RSU1: variants seen among roughly 807,000 people sequenced by gnomAD.
RSU1 encodes rsu-1.
Under a neutral mutation model 31.1 loss-of-function variants are expected in RSU1, and 26 were observed. That is an observed-to-expected ratio of 0.84 (90% CI 0.61 to 1.16). The LOEUF (loss-of-function observed/expected upper bound fraction) is 1.16, where lower values mean the gene tolerates loss of function less well. Among genes scored for constraint, RSU1 ranks in the 50% most tolerant of loss-of-function variants. The pLI is 0.00. For missense variants in RSU1, 320 were observed against 339.1 expected, an observed-to-expected ratio of 0.94 and a Z score of 0.44; for synonymous variants, 164 against 136.3, an observed-to-expected ratio of 1.20 and a Z score of -1.41.
chr10:16,658,107 TC>T, intron 8 of RSU1, among the ~76,000 whole-genome samples: 1 of 152,254 alleles, frequency 6.6e-6, no homozygotes, highest in East Asian at 1.9e-4. Context: ...GATTTCTCTC[TC>T]AAACATGGAG....
chr10:16,807,867 C>CA (rs1313031219), intron 2 of RSU1, among the ~76,000 whole-genome samples: 1 of 151,814 alleles, frequency 6.6e-6, no homozygotes, highest in Non-Finnish European at 1.5e-5. Context: ...ACGAAAAATA[C>CA]AAAAAATTAG....
intron 8 of RSU1, among the ~76,000 whole-genome samples, chr10:16,685,225 G>C (rs1320653781): frequency 6.6e-6 from 1 of 152,132 alleles, no homozygotes; most frequent in Non-Finnish European, 1.5e-5. Flanking sequence ...ACTCCAGCCT[G>C]GGCAACAGAG....
chr10:16,738,935 C>T (rs1373103987), intron 7 of RSU1, among the ~76,000 whole-genome samples: 2 of 150,010 alleles, frequency 1.3e-5, no homozygotes, highest in African/African-American at 4.9e-5. Flanking sequence ...TCATTCAACT[C>T]CCACTTATGA....
chr10:16,790,302 G>A (rs887318395), intron 2 of RSU1, among the ~76,000 whole-genome samples: 1 of 152,130 alleles, frequency 6.6e-6, no homozygotes, highest in Non-Finnish European at 1.5e-5. Flanking sequence ...GATTAGCCTG[G>A]AATGGTCTTG....
At chr10:16,763,704 C>T (rs1214597632) in intron 4 of RSU1, among the ~76,000 whole-genome samples, 2 of 152,212 alleles carry the variant, frequency 1.3e-5, no homozygotes, top group African/African-American at 2.4e-5. Context: ...TGACCAGGAG[C>T]CAGGCCCTTA....
intron 2 of RSU1, among the ~76,000 whole-genome samples, chr10:16,813,955 G>C (rs1314734582): frequency 6.6e-6 from 1 of 152,184 alleles, no homozygotes; most frequent in Non-Finnish European, 1.5e-5. Flanking sequence ...CATATGCTTA[G>C]TAGTACAAAA....
chr10:16,617,280 G>T (rs578095918), intron 8 of RSU1, among the ~76,000 whole-genome samples: 2 of 152,268 alleles, frequency 1.3e-5, no homozygotes, highest in South Asian at 2.1e-4. Flanking sequence ...CCTTACAAGG[G>T]ATGTGAAGGA....
At chr10:16,811,237 T>C (rs1396402691) in intron 2 of RSU1, among the ~76,000 whole-genome samples, 1 of 152,124 alleles carries the variant, frequency 6.6e-6, no homozygotes, top group Non-Finnish European at 1.5e-5. Context: ...CCCAGGTGTG[T>C]AGTAGGCTAC....
chr10:16,752,748 C>A lies in RSU1; in HGVS notation c.484-95G>T, dbSNP rs1207563034. On this transcript the variant is annotated intron_variant, in intron 6 of 8. Coordinates refer to ENST00000345264, the MANE Select transcript of RSU1 (RefSeq NM_012425.4). ...CTATGTCCTCTCTTCTACTAAAGCTCAATCCTTTCCATGTATTTACAAGTG... is the reference window on the plus strand; with the variant it reads ...CTATGTCCTCTCTTCTACTAAAGCTAAATCCTTTCCATGTATTTACAAGTG... 12 of 1,066,354 alleles carry A rather than the reference C, an allele frequency of 1.1e-5. No homozygotes were observed. In the Admixed American group the frequency reaches 2.3e-4, roughly 20 times the overall value. The allele number at this position is 1,066,354 out of a possible 1,614,324, so 66.1% of individuals were successfully genotyped here. A position where few individuals can be genotyped will look rare whatever the true frequency, so the allele number is the denominator to read the frequency against.
intron 2 of RSU1, among the ~76,000 whole-genome samples, chr10:16,807,841 G>A (rs182420519): frequency 1.3e-5 from 2 of 152,106 alleles, no homozygotes; most frequent in East Asian, 3.9e-4. Flanking sequence ...GGCTAACACG[G>A]TGAAATCCCG....
At position 16,592,677 on chromosome 10, in the gene RSU1, A is replaced by G. The variant is rs1833528718; in HGVS notation, c.*717T>C. On this transcript the variant is annotated 3_prime_UTR_variant, in exon 9 of 9. Coordinates refer to ENST00000345264, the MANE Select transcript of RSU1 (RefSeq NM_012425.4). The stretch of plus-strand genomic sequence containing the variant: ...CCAAAATCCTTTGGCAGAATCTCCT[A>G]GAGATTTGTTTTTCTGCTTCCTAAT... 1 of 152,184 alleles carries G rather than the reference A, an allele frequency of 6.6e-6. No individual in the cohort carries two copies. The highest frequency in any genetic ancestry group is 6.6e-5 in the Admixed American group (1 of 15,264). 9.4% of individuals were successfully genotyped at this position (152,184 alleles called of 1,614,324 possible).
At chr10:16,613,014 G>C (rs1364874502) in intron 8 of RSU1, among the ~76,000 whole-genome samples, 2 of 151,898 alleles carry the variant, frequency 1.3e-5, no homozygotes, top group African/African-American at 4.8e-5. Context: ...ATGCATTTCT[G>C]GGTATTTTTT....
chr10:16,795,744 G>A (rs1471316144), intron 2 of RSU1, among the ~76,000 whole-genome samples: 1 of 152,050 alleles, frequency 6.6e-6, no homozygotes, highest in African/African-American at 2.4e-5. Flanking sequence ...AAGTACACAG[G>A]TTGTTTTTTT....
At position 16,813,012 on chromosome 10, in the gene RSU1, C is replaced by A. The variant is rs548288301; in HGVS notation, c.109+3961G>T. On this transcript the variant is annotated intron_variant, in intron 2 of 8. Transcript: ENST00000345264. ...TTTTTTTTTTTTTAAGAGACAAGGTCTTGTTCTGTCACCTAGTAACACGAT... is the reference window on the plus strand; with the variant it reads ...TTTTTTTTTTTTTAAGAGACAAGGTATTGTTCTGTCACCTAGTAACACGAT... Among the ~76,000 whole-genome samples, 11 of 149,068 alleles carry A rather than the reference C, an allele frequency of 7.4e-5. No individual in the cohort carries two copies. The South Asian group carries it at 1.1e-3, about 14-fold the overall frequency.
intron 8 of RSU1, among the ~76,000 whole-genome samples, chr10:16,648,415 A>T (rs1285081377): frequency 1.3e-5 from 2 of 152,078 alleles, no homozygotes; most frequent in Non-Finnish European, 2.9e-5. Flanking sequence ...TAATGTGCTG[A>T]CTCTGGGCAG....
chr10:16,635,352 C>A (rs565713086), intron 8 of RSU1, among the ~76,000 whole-genome samples: 2 of 152,328 alleles, frequency 1.3e-5, no homozygotes, highest in East Asian at 3.9e-4. Context: ...CCTCTCTCTG[C>A]AAAACTCTAA....
intron 8 of RSU1, among the ~76,000 whole-genome samples, chr10:16,659,392 T>A (rs1264818828): frequency 6.6e-6 from 1 of 150,986 alleles, no homozygotes; most frequent in Non-Finnish European, 1.5e-5. Flanking sequence ...AAAATACAAA[T>A]ATTCAATATA....
At chr10:16,671,078 A>G (rs1588705580) in intron 8 of RSU1, among the ~76,000 whole-genome samples, 1 of 152,124 alleles carries the variant, frequency 6.6e-6, no homozygotes, top group East Asian at 1.9e-4. Flanking sequence ...AACCCTGTTA[A>G]AGCTCCTGAA....
chr10:16,774,494 C>T (rs1351263331), intron 3 of RSU1, among the ~76,000 whole-genome samples: 5 of 152,230 alleles, frequency 3.3e-5, no homozygotes, highest in African/African-American at 4.8e-5. Flanking sequence ...CGCTTGAACT[C>T]GGGAGATGGA....
Sources: allele counts gnomAD v4.1 joint callset (sites outside exome capture counted in the v4.1 genomes callset), GRCh38; gene constraint gnomAD v4.1.1; transcripts MANE v1.5; gene names NCBI Gene and HGNC (gene_info 2026-07-23, HGNC 2026-07-21).